The following PDCD10 variants were observed in gnomAD, a reference collection of about 807,000 sequenced individuals.
PDCD10 encodes programmed cell death protein 10.
PDCD10 carries 4 observed loss-of-function variants against 29.2 expected under a neutral mutation model. The ratio of observed to expected loss-of-function variants is 0.14; its 90% confidence interval spans 0.07 to 0.31. The LOEUF (loss-of-function observed/expected upper bound fraction) is 0.31, where lower values mean the gene tolerates loss of function less well. Ranked by LOEUF, PDCD10 falls within the 10% of genes least tolerant of loss-of-function variation. The pLI is 1.00. For synonymous variants in PDCD10, 70 were observed against 82.2 expected, an observed-to-expected ratio of 0.85 and a Z score of 0.80; for missense variants, 183 against 257.9, an observed-to-expected ratio of 0.71 and a Z score of 1.99.
intron 8 of PDCD10, among the ~76,000 whole-genome samples, chr3:167,685,126 C>A (rs182373873): frequency 2.7e-4 from 41 of 151,964 alleles, no homozygotes; most frequent in Non-Finnish European, 5.6e-4. Context: ...AGAGAAGGCC[C>A]AGGGACTGGA....
chr3:167,713,706 C>T (rs918178773), intron 3 of PDCD10, among the ~76,000 whole-genome samples: 2 of 151,616 alleles, frequency 1.3e-5, no homozygotes, highest in African/African-American at 4.8e-5. Context: ...AAATCAGAGA[C>T]GAAAAGGTAG....
At chr3:167,716,471 T>C (rs1038652040) in intron 3 of PDCD10, among the ~76,000 whole-genome samples, 5 of 152,126 alleles carry the variant, frequency 3.3e-5, no homozygotes, top group Admixed American at 2.6e-4. Flanking sequence ...CCATTCACCA[T>C]GATGTGATTA....
chr3:167,698,494 C>T (rs931233887), intron 4 of PDCD10, among the ~76,000 whole-genome samples: 3 of 152,038 alleles, frequency 2.0e-5, no homozygotes, highest in African/African-American at 7.3e-5. Flanking sequence ...TATGATCATG[C>T]CACTGCACTC....
chr3:167,704,067 A>G (rs1407666056), intron 4 of PDCD10, among the ~76,000 whole-genome samples: 1 of 152,184 alleles, frequency 6.6e-6, no homozygotes, highest in Non-Finnish European at 1.5e-5. Context: ...GACAAGGAAA[A>G]CATTTATTTT....
intron 3 of PDCD10, among the ~76,000 whole-genome samples, chr3:167,709,868 G>A (rs1328637966): frequency 6.6e-6 from 1 of 152,160 alleles, no homozygotes; most frequent in Non-Finnish European, 1.5e-5. Flanking sequence ...GGCAACAGGA[G>A]TGTGTCTTTT....
Position 167,708,825 on chromosome 3 carries a change from T to C in PDCD10, c.97-3930A>G, listed in dbSNP as rs368324169. On this transcript the variant is annotated intron_variant, in intron 3 of 8. Transcript: ENST00000392750. The stretch of plus-strand genomic sequence containing the variant: ...CACTGCCTCCAAGTATACAAAACTG[T>C]GAAATATATGCGAAAGATTCCTTAA... Among the ~76,000 whole-genome samples the C allele has an allele frequency of 8.8e-4, 134 of 152,282 alleles. 2 individuals carry two copies. The South Asian group carries it at 0.027, about 30-fold the overall frequency.
chr3:167,734,061 C>T (rs1034305091), intron 2 of PDCD10, among the ~76,000 whole-genome samples, 153 bp downstream of exon 2: 5 of 152,144 alleles, frequency 3.3e-5, no homozygotes, highest in Non-Finnish European at 7.4e-5. Flanking sequence ...GCACAACCAA[C>T]GTCCCTACTC....
At position 167,695,739 on chromosome 3, in the gene PDCD10, A is replaced by T; in HGVS notation, c.269-17T>A. ...TCATATACTCTGATAAAATAAATAC[A>T]TAATAAAAAACATCCTGCGACTCTC... On this transcript the variant is annotated splice_polypyrimidine_tract_variant and intron_variant, in intron 5 of 8. Coordinates refer to ENST00000392750, the MANE Select transcript of PDCD10 (RefSeq NM_007217.4). The T allele has an allele frequency of 6.2e-7, 1 of 1,612,078 alleles. No homozygotes were observed. Among genetic ancestry groups the T allele is most frequent in the Non-Finnish European group, 8.5e-7 (1 of 1,178,202 alleles).
At chr3:167,697,664 T>C (rs1197260068) in intron 4 of PDCD10, among the ~76,000 whole-genome samples, 4 of 152,162 alleles carry the variant, frequency 2.6e-5, no homozygotes, top group Non-Finnish European at 4.4e-5. Flanking sequence ...CACACAATGA[T>C]TTTCATTTCC....
Position 167,684,406 on chromosome 3 carries a change from G to C in PDCD10, c.558-17C>G. ...TTTATTGCCCTGTTTAAAAAGAAAA[G>C]AATAAGCATTAATTTCATCCAAAAA... On this transcript the variant is annotated splice_polypyrimidine_tract_variant and intron_variant, in intron 8 of 8. Transcript: ENST00000392750. 1 of 1,478,306 alleles carries C rather than the reference G, an allele frequency of 6.8e-7. No individual in the cohort carries two copies. The highest frequency in any genetic ancestry group is 9.4e-7 in the Non-Finnish European group (1 of 1,061,028). The allele number at this position is 1,478,306 out of a possible 1,614,324, so 91.6% of individuals were successfully genotyped here. A position where few individuals can be genotyped will look rare whatever the true frequency, so the allele number is the denominator to read the frequency against.
intron 2 of PDCD10, among the ~76,000 whole-genome samples, chr3:167,729,523 T>C (rs935611024): frequency 6.6e-6 from 1 of 152,192 alleles, no homozygotes; most frequent in African/African-American, 2.4e-5. Flanking sequence ...CCTGCAACCG[T>C]AGGCAAGTTC....
chr3:167,711,298 A>G (rs1722496564), intron 3 of PDCD10, among the ~76,000 whole-genome samples: 1 of 152,232 alleles, frequency 6.6e-6, no homozygotes, highest in South Asian at 2.1e-4. Flanking sequence ...AAGAATTCAG[A>G]ATCCTATCCG....
chr3:167,706,483 A>G (rs1190839023), intron 3 of PDCD10, among the ~76,000 whole-genome samples: 2 of 152,244 alleles, frequency 1.3e-5, no homozygotes, highest in Non-Finnish European at 2.9e-5. Flanking sequence ...TGTCTAGGCT[A>G]CAAACCTGAT....
chr3:167,729,572 T>A (rs1256102422), intron 2 of PDCD10, among the ~76,000 whole-genome samples: 1 of 152,160 alleles, frequency 6.6e-6, no homozygotes, highest in East Asian at 1.9e-4. Flanking sequence ...ATTTAAAAAC[T>A]GGAGATAATA....
At chr3:167,706,946 G>A (rs1441009924) in intron 3 of PDCD10, among the ~76,000 whole-genome samples, 2 of 152,104 alleles carry the variant, frequency 1.3e-5, no homozygotes, top group Admixed American at 6.5e-5. Flanking sequence ...TCTGAATCCT[G>A]TATACAAGCC....
chr3:167,709,756 C>T (rs1722345021), intron 3 of PDCD10, among the ~76,000 whole-genome samples: 1 of 151,846 alleles, frequency 6.6e-6, no homozygotes, highest in Admixed American at 6.6e-5. Flanking sequence ...ACAGGGCGAC[C>T]AAGGGAATGG....
chr3:167,707,306 CTT>C (rs1472306959), intron 3 of PDCD10, among the ~76,000 whole-genome samples: 1 of 152,176 alleles, frequency 6.6e-6, no homozygotes, highest in Non-Finnish European at 1.5e-5. Flanking sequence ...AAAATTTCCA[CTT>C]TGTTTTCAGT....
intron 3 of PDCD10, among the ~76,000 whole-genome samples, chr3:167,713,824 C>A (rs1343689785): frequency 6.6e-6 from 1 of 151,876 alleles, no homozygotes; most frequent in African/African-American, 2.4e-5. Context: ...AATTCCCAGA[C>A]ATATACCACT....
intron 2 of PDCD10, among the ~76,000 whole-genome samples, chr3:167,726,491 T>G (rs913081225): frequency 6.6e-6 from 1 of 152,142 alleles, no homozygotes; most frequent in African/African-American, 2.4e-5. Context: ...GAGATAGTGC[T>G]CAGTTTGGAA....
Sources: gnomAD v4.1 joint callset for allele counts (sites outside exome capture counted in the v4.1 genomes callset) on GRCh38, gnomAD v4.1.1 for gene constraint, MANE v1.5 for transcripts, NCBI Gene and HGNC (gene_info 2026-07-23, HGNC 2026-07-21) for gene names.